The following PLEKHJ1 variants were observed in gnomAD, a reference collection of about 807,000 sequenced individuals.
PLEKHJ1 encodes pleckstrin homology domain containing J1.
A neutral mutation model predicts 21.7 loss-of-function variants in PLEKHJ1; 20 were observed. The ratio of observed to expected loss-of-function variants is 0.92; its 90% CI spans 0.65 to 1.34. The LOEUF (loss-of-function observed/expected upper bound fraction) is 1.34, where lower values mean the gene tolerates loss of function less well. Ranked by LOEUF, PLEKHJ1 falls within the 40% of genes most tolerant of loss-of-function variation. The pLI is 0.00. For synonymous variants in PLEKHJ1, 113 were observed against 80.6 expected, an observed-to-expected ratio of 1.40 and a Z score of -2.15; for missense variants, 241 against 202.0, an observed-to-expected ratio of 1.19 and a Z score of -1.17.
intron 5 of PLEKHJ1, 34 bp from the exon 6 acceptor site, chr19:2,233,939 T>G (rs760986812): frequency 4.5e-5 from 72 of 1,612,208 alleles, no homozygotes; most frequent in Non-Finnish European, 1.7e-5. Flanking sequence ...GAGCCAGGGC[T>G]GGAGGACTGC....
downstream of PLEKHJ1, chr19:2,230,763 A>G: frequency 2.5e-6 from 1 of 396,630 alleles, no homozygotes; most frequent in South Asian, 1.4e-4. Context: ...AACCTTATTT[A>G]TTCAAACAGT....
downstream of PLEKHJ1, chr19:2,230,100 T>C (rs1208916617): frequency 1.1e-5 from 6 of 558,378 alleles, no homozygotes; most frequent in South Asian, 2.4e-5. Flanking sequence ...ATGAGAGCTC[T>C]ATATAAAGAC....
chr19:2,234,349 T>A (rs1019031974), intron 3 of PLEKHJ1, 109 bp from the exon 4 acceptor site: 2 of 773,002 alleles, frequency 2.6e-6, no homozygotes, highest in Admixed American at 4.4e-5. Flanking sequence ...TGTGTTCATG[T>A]CCTGACCCCC....
Position 2,236,154 on chromosome 19 carries a change from C to G in PLEKHJ1, c.94+1G>C. 1 of 1,477,598 alleles carries G rather than the reference C, an allele frequency of 6.8e-7. No homozygotes were observed. The allele number at this position is 1,477,598 out of a possible 1,614,324, so 91.5% of individuals were successfully genotyped here. A position where few individuals can be genotyped will look rare whatever the true frequency, so the allele number is the denominator to read the frequency against. ...GTCTCGGTCTCCCGGGTCCCGCTCA[C>G]CGCTGCCCTTCTTGGGGCCCCTCAT... On this transcript the variant is annotated splice_donor_variant, in intron 1 of 5. Transcript: ENST00000326631. LOFTEE classifies it high-confidence loss of function.
rs528573482 is a variant in PLEKHJ1 at position 2,233,675 on chromosome 19, G to A, written c.*165C>T. The stretch of plus-strand genomic sequence containing the variant: ...GATCACTTGAGTCCAGAAGGTCAAG[G>A]TCACAGTGAGCTGTGGCACCACTGC... On this transcript the variant is annotated 3_prime_UTR_variant, in exon 6 of 6. Transcript: ENST00000326631. 1.1e-4 allele frequency: 71 copies of A among 628,962 alleles called. No homozygotes were observed. Among genetic ancestry groups the A allele is most frequent in the Non-Finnish European group, 1.8e-4 (64 of 362,592 alleles). 39.0% of individuals were successfully genotyped at this position (628,962 alleles called of 1,614,324 possible).
At position 2,233,924 on chromosome 19, in the gene PLEKHJ1, G is replaced by T; in HGVS notation, c.385-19C>A. ...GGGGGTCCTGTGGGGAGGACGGGTG[G>T]CCATGAGCCAGGGCTGGAGGACTGC... On this transcript the variant is annotated intron_variant, in intron 5 of 5. Coordinates refer to ENST00000326631, the MANE Select transcript of PLEKHJ1 (RefSeq NM_018049.3). 1 of 1,612,562 alleles carries T rather than the reference G, an allele frequency of 6.2e-7. No individual in the cohort carries two copies. The highest frequency in any genetic ancestry group is 1.1e-5 in the South Asian group (1 of 91,076).
downstream of PLEKHJ1, chr19:2,230,228 G>A (rs1034584047): frequency 1.9e-5 from 8 of 414,144 alleles, 1 homozygote; most frequent in South Asian, 1.8e-4. Flanking sequence ...TGACAACGCC[G>A]AACCCCGTTC....
chr19:2,234,195 CT>C lies in PLEKHJ1; in HGVS notation c.274del (p.Ser92AlafsTer34). The C allele has an allele frequency of 6.2e-7, 1 of 1,613,206 alleles. No individual in the cohort carries two copies. The highest frequency in any genetic ancestry group is 8.5e-7 in the Non-Finnish European group (1 of 1,180,018). ...PERKYHFECS[S>X]EEQCQEWMEA... ...CATCCACTCCTGACACTGCTCCTCGCTGCTGCACTCAAAGTGATACTTCCTC... is the reference window on the plus strand; with the variant it reads ...CATCCACTCCTGACACTGCTCCTCGCGCTGCACTCAAAGTGATACTTCCTC... On this transcript the variant is annotated frameshift_variant, in exon 4 of 6. Transcript: ENST00000326631. LOFTEE classifies it high-confidence loss of function.
downstream of PLEKHJ1, chr19:2,230,661 G>A (rs2024561525): frequency 2.5e-6 from 1 of 398,348 alleles, no homozygotes; most frequent in Admixed American, 4.4e-5. Context: ...TTATAGAGAT[G>A]TGATGAGAAT....
chr19:2,231,818 C>T (rs1035799627), downstream of PLEKHJ1: 8 of 218,810 alleles, frequency 3.7e-5, no homozygotes, highest in African/African-American at 1.6e-4. Context: ...GTCCGGGTGC[C>T]ATCACGGGTC....
At chr19:2,235,658 C>G (rs952596393) in intron 3 of PLEKHJ1, 104 bp downstream of exon 3, 4 of 940,968 alleles carry the variant, frequency 4.3e-6, no homozygotes, top group African/African-American at 3.3e-5. Context: ...TGGCGCCAGG[C>G]TGGGGACACA....
chr19:2,232,479 C>T (rs993850034), downstream of PLEKHJ1: 7 of 221,934 alleles, frequency 3.2e-5, 1 homozygote, highest in East Asian at 1.3e-4. Flanking sequence ...CGCATTGTCA[C>T]GGTCCGCCCC....
At chr19:2,231,062 A>C (rs1325907824), downstream of PLEKHJ1, 1 of 233,934 alleles carries the variant, frequency 4.3e-6, no homozygotes. Context: ...GAAGGAGAGG[A>C]GCTGAGGCCG....
chr19:2,230,971 CCTGGCCTCT>C (rs1167101958), downstream of PLEKHJ1: 3 of 252,164 alleles, frequency 1.2e-5, no homozygotes, highest in African/African-American at 6.5e-5. Flanking sequence ...ACTGCTGAAA[CCTGGCCTCT>C]CTGGCCCTAG....
chr19:2,230,454 C>T (rs1194000202), downstream of PLEKHJ1: 12 of 399,448 alleles, frequency 3.0e-5, no homozygotes, highest in Non-Finnish European at 4.9e-5. Flanking sequence ...GTGAAGGGGC[C>T]TGCGCGGTGA....
chr19:2,234,536 T>G, intron 3 of PLEKHJ1: 1 of 344,710 alleles, frequency 2.9e-6, no homozygotes, highest in Non-Finnish European at 5.3e-6. Flanking sequence ...CATGGCAAAA[T>G]CCCCATCTCT....
At chr19:2,235,413 GCCCGGGGCCA>G in intron 3 of PLEKHJ1, 1 of 267,410 alleles carries the variant, frequency 3.7e-6, no homozygotes, top group Non-Finnish European at 7.0e-6. Context: ...GGGATTTCCA[GCCCGGGGCCA>G]TATAACAATG....
At chr19:2,231,867 A>ACC, downstream of PLEKHJ1, 1 of 220,078 alleles carries the variant, frequency 4.5e-6, no homozygotes, top group Admixed American at 5.8e-5. Context: ...CACGCAGGCC[A>ACC]CCGTATGTTC....
Position 2,236,254 on chromosome 19 carries a change from C to G in PLEKHJ1, c.-6G>C. On this transcript the variant is annotated 5_prime_UTR_variant, in exon 1 of 6. Coordinates refer to ENST00000326631, the MANE Select transcript of PLEKHJ1 (RefSeq NM_018049.3). ...TCCTTCTCGTTGTACCGCATGGCTCCGCGGGGAACGGGAACCCGGGCCGCG... is the reference window on the plus strand; with the variant it reads ...TCCTTCTCGTTGTACCGCATGGCTCGGCGGGGAACGGGAACCCGGGCCGCG... 7.2e-7 allele frequency: 1 copy of G among 1,385,356 alleles called. No homozygotes were observed. Among genetic ancestry groups the G allele is most frequent in the South Asian group, 1.6e-5 (1 of 62,030 alleles). The allele number at this position is 1,385,356 out of a possible 1,614,324, so 85.8% of individuals were successfully genotyped here.
Sources: gnomAD v4.1 joint callset for allele counts on GRCh38, gnomAD v4.1.1 for gene constraint, MANE v1.5 for transcripts, NCBI Gene and HGNC (gene_info 2026-07-23, HGNC 2026-07-21) for gene names.